CTNNA3: variants seen among roughly 807,000 people sequenced by gnomAD.
CTNNA3 encodes catenin alpha-3.
A neutral mutation model predicts 95.7 loss-of-function variants in CTNNA3; 76 were observed. That is an observed-to-expected ratio of 0.79 (90% CI 0.66 to 0.96). The LOEUF (loss-of-function observed/expected upper bound fraction) is 0.96. Ranked by LOEUF, CTNNA3 falls within the 40% of genes least tolerant of loss-of-function variation. The pLI, the probability that CTNNA3 is intolerant of heterozygous loss-of-function variation, is 0.00. For missense variants in CTNNA3, 1,191 were observed against 1,089.8 expected (o/e 1.09, Z -1.31); for synonymous variants, 431 against 374.4 (o/e 1.15, Z -1.74).
intron 3 of CTNNA3, among the ~76,000 whole-genome samples, chr10:67,599,321 T>C (rs1473610266): frequency 6.6e-6 from 1 of 152,230 alleles, no homozygotes; most frequent in African/African-American, 2.4e-5. Context: ...AAAATACTTA[T>C]AGTCTATTTT....
intron 1 of CTNNA3, among the ~76,000 whole-genome samples, chr10:67,675,402 G>A (rs1329653863): frequency 6.6e-6 from 1 of 152,090 alleles, no homozygotes; most frequent in African/African-American, 2.4e-5. Context: ...CTTGCCCCAG[G>A]CTATAGTTTT....
chr10:67,682,151 C>G (rs1372936561), intron 1 of CTNNA3, among the ~76,000 whole-genome samples: 1 of 150,402 alleles, frequency 6.6e-6, no homozygotes, highest in East Asian at 1.9e-4. Context: ...AGAGCAAAAC[C>G]CCGTCTCAAA....
intron 5 of CTNNA3, among the ~76,000 whole-genome samples, chr10:67,337,211 T>C (rs1842027476): frequency 6.6e-6 from 1 of 152,066 alleles, no homozygotes. Flanking sequence ...GAGGTCAAAA[T>C]CAGCATTAAC....
In CTNNA3 at chr10:66,722,334, C is replaced by G. The variant is rs181755518; in HGVS notation, c.1281+43930G>C. 6.4e-3 allele frequency among the ~76,000 whole-genome samples: 921 copies of G among 143,922 alleles called. 5 individuals are homozygous for G. Among genetic ancestry groups the G allele is most frequent in the African/African-American group, 0.021 (851 of 40,432 alleles). 94.4% of individuals were successfully genotyped at this position (143,922 alleles called of 152,430 possible). ...CGGAGCTTGCAGTGAGCCTAGATTG[C>G]GACACTGCACTCCAGACTGGACGAC... On this transcript the variant is annotated intron_variant, in intron 9 of 17. Transcript: ENST00000433211.
chr10:66,537,051 GA>G (rs11315798), intron 10 of CTNNA3, among the ~76,000 whole-genome samples: 10,927 of 143,296 alleles, frequency 0.076, 1,236 homozygotes, highest in African/African-American at 0.25. Flanking sequence ...AGTTTTTACT[GA>G]AAAAAAAAAA....
rs144410752 is a variant in CTNNA3 at position 66,752,246 on chromosome 10, T to C, written c.1281+14018A>G. 4.0e-3 allele frequency among the ~76,000 whole-genome samples: 601 copies of C among 152,138 alleles called. 3 individuals carry two copies. The highest frequency in any genetic ancestry group is 6.8e-3 in the Non-Finnish European group (465 of 67,962). ...CAATCTTGAATAAATGGTAGACACA[T>C]AGATCAATGAAACAGAACACAGAGA... On this transcript the variant is annotated intron_variant, in intron 9 of 17. Transcript: ENST00000433211.
chr10:66,128,380 T>G (rs2082923004), intron 13 of CTNNA3, among the ~76,000 whole-genome samples: 1 of 152,048 alleles, frequency 6.6e-6, no homozygotes. Flanking sequence ...TGCCAAAAAT[T>G]GGAAGGAACC....
chr10:67,285,198 T>C (rs1386680392), intron 5 of CTNNA3, among the ~76,000 whole-genome samples: 2 of 152,216 alleles, frequency 1.3e-5, no homozygotes, highest in African/African-American at 4.8e-5. Context: ...TTAATGTCTT[T>C]TAAACATTAG....
chr10:67,221,663 C>T (rs1353125011), intron 5 of CTNNA3, among the ~76,000 whole-genome samples: 1 of 152,132 alleles, frequency 6.6e-6, no homozygotes, highest in Non-Finnish European at 1.5e-5. Context: ...CAAGCTCCGC[C>T]TCCTGGGTTT....
intron 13 of CTNNA3, among the ~76,000 whole-genome samples, chr10:66,245,132 G>A (rs1369258964): frequency 6.6e-6 from 1 of 152,198 alleles, no homozygotes; most frequent in African/African-American, 2.4e-5. Context: ...GGGTGGGTGA[G>A]TGAGTGTGGG....
intron 5 of CTNNA3, among the ~76,000 whole-genome samples, chr10:67,501,080 T>C (rs1456645160): frequency 1.3e-5 from 2 of 152,328 alleles, no homozygotes; most frequent in African/African-American, 4.8e-5. Flanking sequence ...TACAATTTGG[T>C]ATGTTTTTGC....
chr10:66,240,712 A>C (rs191829872), intron 13 of CTNNA3, among the ~76,000 whole-genome samples: 1 of 152,180 alleles, frequency 6.6e-6, no homozygotes, highest in African/African-American at 2.4e-5. Flanking sequence ...CATCAAGCTA[A>C]AAATGAAGAG....
At chr10:66,863,766 T>C (rs1844050400) in intron 7 of CTNNA3, among the ~76,000 whole-genome samples, 2 of 152,100 alleles carry the variant, frequency 1.3e-5, no homozygotes, top group African/African-American at 2.4e-5. Context: ...GAGAGTGAAA[T>C]TTAGCAACAG....
At chr10:66,706,267 C>A (rs1273911414) in intron 9 of CTNNA3, among the ~76,000 whole-genome samples, 1 of 151,934 alleles carries the variant, frequency 6.6e-6, no homozygotes, top group African/African-American at 2.4e-5. Flanking sequence ...TCCTTTTCTT[C>A]TTTCCTTCCA....
At chr10:67,660,324 T>A (rs1007762449) in intron 1 of CTNNA3, among the ~76,000 whole-genome samples, 1 of 152,130 alleles carries the variant, frequency 6.6e-6, no homozygotes, top group African/African-American at 2.4e-5. Context: ...AACACCACCC[T>A]CCTGCTTCTC....
At chr10:66,283,049 T>C (rs1167763953) in intron 12 of CTNNA3, among the ~76,000 whole-genome samples, 1 of 151,836 alleles carries the variant, frequency 6.6e-6, no homozygotes, top group East Asian at 1.9e-4. Flanking sequence ...AACATTCAAA[T>C]CTGCTTAATG....
intron 9 of CTNNA3, among the ~76,000 whole-genome samples, chr10:66,682,814 A>G (rs1847115363): frequency 6.6e-6 from 1 of 152,176 alleles, no homozygotes; most frequent in Admixed American, 6.6e-5. Flanking sequence ...ACATTAAAGA[A>G]TACATTTAAA....
intron 1 of CTNNA3, among the ~76,000 whole-genome samples, chr10:67,681,018 T>A (rs532791259): frequency 6.6e-6 from 1 of 152,310 alleles, no homozygotes; most frequent in Admixed American, 6.5e-5. Flanking sequence ...AAAAATTTTT[T>A]AAATACTGAT....
chr10:66,296,716 T>C (rs1195866731), intron 12 of CTNNA3, among the ~76,000 whole-genome samples: 1 of 152,108 alleles, frequency 6.6e-6, no homozygotes. Context: ...ATTATCTGTA[T>C]GGATTTCAAG....
Sources: allele counts gnomAD v4.1 joint callset (sites outside exome capture counted in the v4.1 genomes callset), GRCh38; gene constraint gnomAD v4.1.1; transcripts MANE v1.5; gene names NCBI Gene and HGNC (gene_info 2026-07-23, HGNC 2026-07-21).